ENTREP2: variants seen among roughly 807,000 people sequenced by gnomAD.
ENTREP2 encodes endosomal transmembrane epsin interactor 2.
the ENTREP2 span, among the ~76,000 whole-genome samples, chr15:29,521,742 A>AGT: frequency 2.0e-4 from 31 of 152,268 alleles, no homozygotes; most frequent in African/African-American, 7.5e-4. Context: ...CGCACAGGGG[A>AGT]GTAAGTGGCA....
chr15:29,491,554 G>A, the ENTREP2 span, among the ~76,000 whole-genome samples: 106 of 152,132 alleles, frequency 7.0e-4, no homozygotes, highest in African/African-American at 2.3e-3. Flanking sequence ...TATTGTAGAA[G>A]GCTTTAAATC....
the ENTREP2 span, among the ~76,000 whole-genome samples, chr15:29,581,560 C>A: frequency 2.6e-5 from 4 of 152,058 alleles, no homozygotes; most frequent in South Asian, 2.1e-4. Context: ...AAATTAATCA[C>A]CACAATGATG....
chr15:29,487,774 C>A, the ENTREP2 span, among the ~76,000 whole-genome samples: 1 of 152,204 alleles, frequency 6.6e-6, no homozygotes, highest in African/African-American at 2.4e-5. Flanking sequence ...CTCACTGCAA[C>A]CTCCACCTCC....
the ENTREP2 span, chr15:29,128,748 C>T: frequency 6.9e-7 from 1 of 1,454,708 alleles, no homozygotes; most frequent in Non-Finnish European, 9.4e-7. Flanking sequence ...CCCTTGAAAA[C>T]AGGAACACCC....
the ENTREP2 span, among the ~76,000 whole-genome samples, chr15:29,597,908 G>A: frequency 6.6e-6 from 1 of 151,976 alleles, no homozygotes; most frequent in Non-Finnish European, 1.5e-5. Flanking sequence ...GATTGCTTGA[G>A]CCCAGGAGTT....
At chr15:29,651,251 T>C in the ENTREP2 span, among the ~76,000 whole-genome samples, 1 of 152,244 alleles carries the variant, frequency 6.6e-6, no homozygotes, top group Non-Finnish European at 1.5e-5. Context: ...TCAATAATCA[T>C]TCTTATCTTC....
the ENTREP2 span, among the ~76,000 whole-genome samples, chr15:29,160,481 G>A: frequency 1.3e-5 from 2 of 152,042 alleles, no homozygotes; most frequent in Non-Finnish European, 2.9e-5. Flanking sequence ...GGAGGCTAAG[G>A]TCAGATCATC....
the ENTREP2 span, among the ~76,000 whole-genome samples, chr15:29,462,776 G>C: frequency 6.6e-6 from 1 of 152,150 alleles, no homozygotes; most frequent in African/African-American, 2.4e-5. Context: ...CCAGAGGACA[G>C]TGTCAACCCA....
the ENTREP2 span, among the ~76,000 whole-genome samples, chr15:29,614,650 G>C: frequency 6.6e-6 from 1 of 152,068 alleles, no homozygotes; most frequent in African/African-American, 2.4e-5. Flanking sequence ...AGGAAGCTGG[G>C]TCCCATTCAG....
At chr15:29,245,697 A>G in the ENTREP2 span, among the ~76,000 whole-genome samples, 1 of 152,084 alleles carries the variant, frequency 6.6e-6, no homozygotes, top group African/African-American at 2.4e-5. Context: ...CAGTTAACAG[A>G]TAAAGAAATA....
At chr15:29,511,843 A>AC in the ENTREP2 span, among the ~76,000 whole-genome samples, 1,687 of 148,168 alleles carry the variant, frequency 0.011, 12 homozygotes, top group Non-Finnish European at 0.019. Context: ...AAGGCACACC[A>AC]CAAGAGAAAA....
At chr15:29,297,173 C>A in the ENTREP2 span, among the ~76,000 whole-genome samples, 642 of 152,330 alleles carry the variant, frequency 4.2e-3, 7 homozygotes, top group African/African-American at 0.015. Flanking sequence ...AGCCGTATCA[C>A]ATTTACAATG....
the ENTREP2 span, among the ~76,000 whole-genome samples, chr15:29,193,154 G>C: frequency 6.6e-6 from 1 of 152,124 alleles, no homozygotes; most frequent in African/African-American, 2.4e-5. Context: ...TGCAATGTGT[G>C]CTGATTTATT....
At chr15:29,136,979 G>A in the ENTREP2 span, 1 of 1,359,544 alleles carries the variant, frequency 7.4e-7, no homozygotes, top group Non-Finnish European at 9.5e-7. Flanking sequence ...CCACCACCCG[G>A]ACACTGCTGC....
the ENTREP2 span, among the ~76,000 whole-genome samples, chr15:29,592,472 AGAGT>A: frequency 6.6e-6 from 1 of 152,190 alleles, no homozygotes; most frequent in South Asian, 2.1e-4. Flanking sequence ...GGATGATGAG[AGAGT>A]GAGAGAAAGC....
At chr15:29,178,880 T>C in the ENTREP2 span, among the ~76,000 whole-genome samples, 2 of 152,244 alleles carry the variant, frequency 1.3e-5, no homozygotes, top group African/African-American at 2.4e-5. Flanking sequence ...AAATTAAATC[T>C]ATACTTAATC....
chr15:29,285,061 G>A, the ENTREP2 span, among the ~76,000 whole-genome samples: 3 of 152,228 alleles, frequency 2.0e-5, no homozygotes, highest in African/African-American at 7.2e-5. Flanking sequence ...CAGGTGGGAT[G>A]AGATGAAGAG....
At chr15:29,338,526 C>T in the ENTREP2 span, among the ~76,000 whole-genome samples, 2 of 152,002 alleles carry the variant, frequency 1.3e-5, no homozygotes, top group Middle Eastern at 3.4e-3. Context: ...ACAGCCTGAA[C>T]AAAGAGCACG....
the ENTREP2 span, among the ~76,000 whole-genome samples, chr15:29,641,121 C>T: frequency 6.6e-6 from 1 of 152,174 alleles, no homozygotes; most frequent in South Asian, 2.1e-4. Context: ...AAATTTAATA[C>T]TCTTTCATAA....
Sources: gnomAD v4.1 joint callset for allele counts (sites outside exome capture counted in the v4.1 genomes callset) on GRCh38, gnomAD v4.1.1 for gene constraint, MANE v1.5 for transcripts, NCBI Gene and HGNC (gene_info 2026-07-23, HGNC 2026-07-21) for gene names.